DAB1: variants seen among roughly 807,000 people sequenced by gnomAD.
DAB1 encodes disabled homolog 1.
A neutral mutation model predicts 64.6 loss-of-function variants in DAB1; 15 were observed. The ratio of observed to expected loss-of-function variants is 0.23; its 90% CI spans 0.16 to 0.36. DAB1 has a LOEUF of 0.36. Ranked by LOEUF, DAB1 falls within the 10% of genes least tolerant of loss-of-function variation. DAB1 has a pLI of 1.00. For synonymous variants in DAB1, 235 were observed against 251.9 expected (o/e 0.93, Z 0.64); for missense variants, 596 against 706.7 (o/e 0.84, Z 1.78).
At chr1:58,512,153 T>G (rs926853508) in intron 2 of DAB1, among the ~76,000 whole-genome samples, 5 of 152,078 alleles carry the variant, frequency 3.3e-5, no homozygotes, top group African/African-American at 1.2e-4. Flanking sequence ...AGAAAAAATG[T>G]TCAATATCAC....
chr1:57,436,405 G>T (rs1391085382), intron 7 of DAB1, among the ~76,000 whole-genome samples: 1 of 152,152 alleles, frequency 6.6e-6, no homozygotes, highest in Non-Finnish European at 1.5e-5. Context: ...GTTTCAATAT[G>T]TCTATTTTGC....
intron 6 of DAB1, among the ~76,000 whole-genome samples, chr1:57,704,493 A>G (rs3126026): frequency 0.4 from 60,756 of 151,954 alleles, 12,848 homozygotes; most frequent in African/African-American, 0.55. Flanking sequence ...GAGATGCTAT[A>G]ATTCTAAGTA....
rs566955072 is a variant in DAB1 at position 58,049,397 on chromosome 1, C to T, written n.387+101114G>A. ...CTTAACCTGAACTATTTTTGCACTT[C>T]TTTCCGATAATAATTATGCTCAGAG... On this transcript the variant is annotated intron_variant and non_coding_transcript_variant, in intron 5 of 20. Coordinates refer to the DAB1 transcript ENST00000485760. 28 of 496,170 alleles carry T rather than the reference C, an allele frequency of 5.6e-5. No homozygotes were observed. In the East Asian group the frequency reaches 1.0e-3, roughly 18 times the overall value. 30.7% of individuals were successfully genotyped at this position (496,170 alleles called of 1,614,324 possible). A position where few individuals can be genotyped will look rare whatever the true frequency, so the allele number is the denominator to read the frequency against.
intron 2 of DAB1, among the ~76,000 whole-genome samples, chr1:57,262,758 C>A (rs1325968116): frequency 6.6e-6 from 1 of 152,174 alleles, no homozygotes; most frequent in Non-Finnish European, 1.5e-5. Flanking sequence ...CTGCTGAGTA[C>A]AATGGGCAGG....
At chr1:58,341,595 A>AC (rs1436634599) in intron 4 of DAB1, among the ~76,000 whole-genome samples, 4 of 152,214 alleles carry the variant, frequency 2.6e-5, no homozygotes, top group African/African-American at 9.6e-5. Flanking sequence ...TGAGTAACTT[A>AC]CCTGAGATCA....
chr1:57,448,022 C>G (rs1570529627), intron 7 of DAB1, among the ~76,000 whole-genome samples: 1 of 152,150 alleles, frequency 6.6e-6, no homozygotes, highest in Admixed American at 6.5e-5. Context: ...GTTCCTATAA[C>G]CCGTCCCTAA....
intron 5 of DAB1, among the ~76,000 whole-genome samples, chr1:58,055,074 T>A (rs1647970064): frequency 6.6e-6 from 1 of 152,236 alleles, no homozygotes; most frequent in Non-Finnish European, 1.5e-5. Context: ...CAAACACCAC[T>A]GGAGATAAGC....
At chr1:58,442,403 C>T (rs1645020726) in intron 3 of DAB1, among the ~76,000 whole-genome samples, 2 of 152,124 alleles carry the variant, frequency 1.3e-5, no homozygotes, top group Admixed American at 1.3e-4. Flanking sequence ...AGGGAGAGAG[C>T]AGTGAGAGAT....
chr1:57,772,537 A>G (rs1254984988), intron 6 of DAB1, among the ~76,000 whole-genome samples: 1 of 152,106 alleles, frequency 6.6e-6, no homozygotes, highest in East Asian at 1.9e-4. Flanking sequence ...TCAAGTAAGC[A>G]TCTAGGAGTA....
At chr1:58,069,871 A>G (rs17116827) in intron 5 of DAB1, among the ~76,000 whole-genome samples, 1 of 152,106 alleles carries the variant, frequency 6.6e-6, no homozygotes, top group African/African-American at 2.4e-5. Flanking sequence ...TCCAACACCT[A>G]TGCTTTTTTC....
intron 5 of DAB1, among the ~76,000 whole-genome samples, chr1:58,020,046 C>A (rs920331927): frequency 1.8e-4 from 27 of 152,150 alleles, no homozygotes; most frequent in African/African-American, 6.5e-4. Flanking sequence ...GAGTCCATAA[C>A]CTATTTCCCT....
chr1:57,417,362 C>T (rs1459361560), intron 1 of DAB1, among the ~76,000 whole-genome samples: 1 of 152,100 alleles, frequency 6.6e-6, no homozygotes, highest in Admixed American at 6.6e-5. Flanking sequence ...AATAAAGGAA[C>T]ACTAGGCATA....
intron 6 of DAB1, among the ~76,000 whole-genome samples, chr1:57,758,597 A>G (rs1012266746): frequency 2.0e-5 from 3 of 152,192 alleles, no homozygotes; most frequent in Non-Finnish European, 4.4e-5. Flanking sequence ...GACAGGTGGT[A>G]TATGAAGTCC....
At chr1:58,133,629 T>G (rs926910809) in intron 5 of DAB1, among the ~76,000 whole-genome samples, 1 of 152,212 alleles carries the variant, frequency 6.6e-6, no homozygotes, top group Non-Finnish European at 1.5e-5. Context: ...TTTATTGATC[T>G]CTTTTAGTTG....
chr1:58,335,197 G>C (rs1194962647), intron 4 of DAB1, among the ~76,000 whole-genome samples: 1 of 152,174 alleles, frequency 6.6e-6, no homozygotes, highest in Non-Finnish European at 1.5e-5. Context: ...GAGCATCCCA[G>C]GTAGAAGGAC....
At chr1:57,020,300 CA>C (rs1646571964) in intron 11 of DAB1, among the ~76,000 whole-genome samples, 1 of 152,200 alleles carries the variant, frequency 6.6e-6, no homozygotes, top group Non-Finnish European at 1.5e-5. Flanking sequence ...AACCATGTAG[CA>C]AACATCTGTT....
At chr1:58,133,544 C>A (rs556011822) in intron 5 of DAB1, among the ~76,000 whole-genome samples, 6 of 152,316 alleles carry the variant, frequency 3.9e-5, no homozygotes, top group Non-Finnish European at 4.4e-5. Context: ...TCTCTACCTG[C>A]CAACAGATTT....
At position 57,203,893 on chromosome 1, in the gene DAB1, T is replaced by C. The variant is rs116636085; in HGVS notation, c.68-58464A>G. Among the ~76,000 whole-genome samples the C allele has an allele frequency of 3.8e-3, 575 of 152,268 alleles. 4 individuals are homozygous for C. Among genetic ancestry groups the C allele is most frequent in the African/African-American group, 0.013 (549 of 41,550 alleles). ...TTAGTGTAGTGTTTTTTGTTTGTTTTGTTTTGTTTTGTTTGAGACAGAGTC... is the reference window on the plus strand; with the variant it reads ...TTAGTGTAGTGTTTTTTGTTTGTTTCGTTTTGTTTTGTTTGAGACAGAGTC... On this transcript the variant is annotated intron_variant, in intron 2 of 14. Transcript: ENST00000371236.
At chr1:57,321,752 A>G (rs1157384172) in intron 1 of DAB1, among the ~76,000 whole-genome samples, 5 of 152,212 alleles carry the variant, frequency 3.3e-5, no homozygotes, top group Non-Finnish European at 5.9e-5. Context: ...GAAAGATGAT[A>G]ATGAATATTG....
Sources: allele counts gnomAD v4.1 joint callset (sites outside exome capture counted in the v4.1 genomes callset), GRCh38; gene constraint gnomAD v4.1.1; transcripts MANE v1.5; gene names NCBI Gene and HGNC (gene_info 2026-07-23, HGNC 2026-07-21).